Variants in PDS5B observed in about 807,000 individuals in gnomAD.
PDS5B encodes sister chromatid cohesion protein PDS5 homolog B.
A neutral mutation model predicts 184.1 loss-of-function variants in PDS5B; 51 were observed. That is an observed-to-expected ratio of 0.28 (90% confidence interval 0.22 to 0.35). The LOEUF (loss-of-function observed/expected upper bound fraction) is 0.35. Among genes scored for constraint, PDS5B ranks in the 10% least tolerant of loss-of-function variants. The pLI is 1.00. For synonymous variants in PDS5B, 566 were observed against 569.2 expected, an observed-to-expected ratio of 0.99 and a Z score of 0.08; for missense variants, 1,180 against 1,723.3, an observed-to-expected ratio of 0.68 and a Z score of 5.58.
Position 32,775,986 on chromosome 13 carries a change from A to AAT in PDS5B, c.*938_*939dup, listed in dbSNP as rs1416214498. The AAT allele has an allele frequency of 1.0e-5, 2 of 192,658 alleles. No individual in the cohort carries two copies. The highest frequency in any genetic ancestry group is 4.8e-5 in the African/African-American group (2 of 41,936). The allele number at this position is 192,658 out of a possible 1,614,324, so 11.9% of individuals were successfully genotyped here. On this transcript the variant is annotated 3_prime_UTR_variant, in exon 35 of 35. Transcript: ENST00000315596. ...GTTCAGAAAATGCAAATTACACTAT[A>AAT]ATATAAAACCTGATATATACACATT...
chr13:32,608,442 TTG>T (rs2058094376), intron 1 of PDS5B, among the ~76,000 whole-genome samples: 1 of 152,208 alleles, frequency 6.6e-6, no homozygotes, highest in Non-Finnish European at 1.5e-5. Context: ...AGCAAAATTA[TTG>T]TGTTTAAGAG....
At chr13:32,588,922 C>G (rs1464472469) in intron 1 of PDS5B, among the ~76,000 whole-genome samples, 2 of 152,192 alleles carry the variant, frequency 1.3e-5, no homozygotes, top group Non-Finnish European at 2.9e-5. Flanking sequence ...GTAGAAAATA[C>G]CCAAAACTTT....
chr13:32,667,925 AG>A, intron 7 of PDS5B, 81 bp downstream of exon 7: 1 of 661,608 alleles, frequency 1.5e-6, no homozygotes, highest in East Asian at 3.1e-5. Context: ...TTCATCAGAT[AG>A]TATATAGTTT....
At position 32,733,967 on chromosome 13, in the gene PDS5B, T is replaced by A. The variant is rs1222189819; in HGVS notation, c.2248-1205T>A. Among the ~76,000 whole-genome samples, 2 of 129,300 alleles carry A rather than the reference T, an allele frequency of 1.5e-5. 1 individual carries two copies. Among genetic ancestry groups the A allele is most frequent in the Non-Finnish European group, 3.0e-5 (2 of 66,146 alleles). The allele number at this position is 129,300 out of a possible 152,430, so 84.8% of individuals were successfully genotyped here. A position where few individuals can be genotyped will look rare whatever the true frequency, so the allele number is the denominator to read the frequency against. ...GCCAATGGCATATTTTAGTCACCCT[T>A]CTGATTTCAAAAATTAAAACACACA... On this transcript the variant is annotated intron_variant, in intron 20 of 34. Transcript: ENST00000315596.
intron 17 of PDS5B, among the ~76,000 whole-genome samples, chr13:32,705,685 A>G (rs746877027): frequency 6.6e-6 from 1 of 152,136 alleles, no homozygotes; most frequent in Non-Finnish European, 1.5e-5. Flanking sequence ...ACAAATGTTT[A>G]TTTATATTTT....
intron 21 of PDS5B, among the ~76,000 whole-genome samples, chr13:32,737,974 A>G (rs890893056): frequency 2.0e-5 from 3 of 152,136 alleles, no homozygotes; most frequent in African/African-American, 4.8e-5. Context: ...GCATTATATC[A>G]TACCCTGTAT....
chr13:32,741,549 C>T lies in PDS5B; in HGVS notation c.2475+401C>T, dbSNP rs542594757. Reference sequence around the variant, plus strand: ...GAATTAGGAGTTTTATAAGATTGCTCATCATTGGTATAGACTCTTGATTTA... The same window carrying T: ...GAATTAGGAGTTTTATAAGATTGCTTATCATTGGTATAGACTCTTGATTTA... On this transcript the variant is annotated intron_variant, in intron 22 of 34. Coordinates refer to ENST00000315596, the MANE Select transcript of PDS5B (RefSeq NM_015032.4). Among the ~76,000 whole-genome samples, 4 of 152,132 alleles carry T rather than the reference C, an allele frequency of 2.6e-5. No individual in the cohort carries two copies. The South Asian group carries it at 6.2e-4, about 24-fold the overall frequency.
At chr13:32,756,551 T>C (rs1013738343) in intron 26 of PDS5B, among the ~76,000 whole-genome samples, 3 of 152,200 alleles carry the variant, frequency 2.0e-5, no homozygotes. Context: ...TTTAGAGAAA[T>C]CTTTAAGACC....
Position 32,714,494 on chromosome 13 carries a change from G to A in PDS5B, c.2123+4388G>A, listed in dbSNP as rs1017493878. Among the ~76,000 whole-genome samples the A allele has an allele frequency of 1.5e-4, 23 of 152,128 alleles. 1 individual carries two copies. The highest frequency in any genetic ancestry group is 1.3e-3 in the Admixed American group (20 of 15,276). On this transcript the variant is annotated intron_variant, in intron 19 of 34. Coordinates refer to ENST00000315596, the MANE Select transcript of PDS5B (RefSeq NM_015032.4). ...TCCTCTTCCTAATAAGCCTAGGAGC[G>A]CTATGGGAGACTGGAGTCTGTTTTA...
chr13:32,758,728 A>C, intron 28 of PDS5B, 75 bp downstream of exon 28: 1 of 1,456,892 alleles, frequency 6.9e-7, no homozygotes, highest in Non-Finnish European at 9.5e-7. Context: ...GAAGATCAGG[A>C]AGGATCATGG....
At chr13:32,610,495 A>G (rs965086330) in intron 1 of PDS5B, among the ~76,000 whole-genome samples, 2 of 152,220 alleles carry the variant, frequency 1.3e-5, no homozygotes, top group Non-Finnish European at 2.9e-5. Context: ...TTCCTAACCA[A>G]ATGTTCATAA....
intron 1 of PDS5B, among the ~76,000 whole-genome samples, chr13:32,599,943 C>T (rs940397619): frequency 2.0e-5 from 3 of 151,868 alleles, no homozygotes; most frequent in Non-Finnish European, 2.9e-5. Context: ...ACCTTTTCTG[C>T]CCCATTCCTC....
At chr13:32,667,868 G>A in intron 7 of PDS5B, 24 bp downstream of exon 7, 1 of 1,378,072 alleles carries the variant, frequency 7.3e-7, no homozygotes. Context: ...GTAATTGGTT[G>A]TCAGAAGGAT....
At chr13:32,752,465 G>T (rs528301576) in intron 24 of PDS5B, among the ~76,000 whole-genome samples, 1 of 152,158 alleles carries the variant, frequency 6.6e-6, no homozygotes, top group African/African-American at 2.4e-5. Flanking sequence ...TTTTTGTTAG[G>T]CTTAGAGAGA....
intron 1 of PDS5B, among the ~76,000 whole-genome samples, chr13:32,625,575 A>G (rs979791369): frequency 1.3e-5 from 2 of 152,164 alleles, no homozygotes; most frequent in African/African-American, 2.4e-5. Flanking sequence ...GGTTTTGTGT[A>G]TAAGTGGAAT....
chr13:32,601,548 A>G (rs1220595133), intron 1 of PDS5B, among the ~76,000 whole-genome samples: 4 of 152,246 alleles, frequency 2.6e-5, no homozygotes, highest in Non-Finnish European at 2.9e-5. Flanking sequence ...GCAGTGGGAC[A>G]CATGGTACCA....
chr13:32,675,040 ATGAGT>A (rs1951030571), intron 8 of PDS5B, among the ~76,000 whole-genome samples: 1 of 151,782 alleles, frequency 6.6e-6, no homozygotes, highest in African/African-American at 2.4e-5. Flanking sequence ...AATAATAGAG[ATGAGT>A]TAGGTCATAT....
chr13:32,678,411 A>G (rs936374813), intron 9 of PDS5B, among the ~76,000 whole-genome samples: 2 of 152,206 alleles, frequency 1.3e-5, no homozygotes, highest in Non-Finnish European at 2.9e-5. Flanking sequence ...TCTGCCATAC[A>G]TTAGTGAATG....
chr13:32,648,888 A>C lies in PDS5B; in HGVS notation c.108+8A>C, dbSNP rs747421374. 4 of 1,183,304 alleles carry C rather than the reference A, an allele frequency of 3.4e-6. No individual in the cohort carries two copies. The highest frequency in any genetic ancestry group is 5.1e-6 in the Non-Finnish European group (4 of 786,894). The allele number at this position is 1,183,304 out of a possible 1,614,324, so 73.3% of individuals were successfully genotyped here. On this transcript the variant is annotated splice_region_variant and intron_variant, in intron 2 of 34. Coordinates refer to ENST00000315596, the MANE Select transcript of PDS5B (RefSeq NM_015032.4). ...ATGGTGAGACGATTAAAGGTGAGTA[A>C]AATTCTATTCTTTTTTACATCTGTG...
Sources: gnomAD v4.1 joint callset for allele counts (sites outside exome capture counted in the v4.1 genomes callset) on GRCh38, gnomAD v4.1.1 for gene constraint, MANE v1.5 for transcripts, NCBI Gene and HGNC (gene_info 2026-07-23, HGNC 2026-07-21) for gene names.